Variants in RBFOX1 observed in about 807,000 individuals in gnomAD.
The protein encoded by RBFOX1 is RNA binding fox-1 homolog 1.
Under a neutral mutation model 57.7 loss-of-function variants are expected in RBFOX1, and 8 were observed. That is an observed-to-expected ratio of 0.14 (90% CI 0.08 to 0.25). The LOEUF is 0.25. Among genes scored for constraint, RBFOX1 ranks in the 10% least tolerant of loss-of-function variants. The probability of loss-of-function intolerance (pLI) is 1.00; values close to 1 mark genes in which losing one functional copy is unlikely to be tolerated. For missense variants in RBFOX1, 611 were observed against 548.5 expected, an observed-to-expected ratio of 1.11 and a Z score of -1.14; for synonymous variants, 326 against 222.4, an observed-to-expected ratio of 1.47 and a Z score of -4.15.
chr16:5,690,755 C>G (rs953347856), intron 3 of RBFOX1, among the ~76,000 whole-genome samples: 2 of 152,152 alleles, frequency 1.3e-5, no homozygotes, highest in African/African-American at 2.4e-5. Context: ...ATGTCTTTCT[C>G]TAAGAAGCTG....
chr16:7,304,466 C>G (rs1182136318), intron 4 of RBFOX1: 3 of 985,182 alleles, frequency 3.0e-6, no homozygotes, highest in Admixed American at 1.2e-4. Flanking sequence ...TGTGCCTTGA[C>G]TTTTATGTAC....
chr16:7,489,467 A>C (rs1272170873), intron 4 of RBFOX1, among the ~76,000 whole-genome samples: 1 of 151,686 alleles, frequency 6.6e-6, no homozygotes, highest in Non-Finnish European at 1.5e-5. Context: ...TGCTGTTCCT[A>C]TTTTGGAGAT....
chr16:5,981,637 T>C (rs939998685), intron 4 of RBFOX1, among the ~76,000 whole-genome samples: 1 of 151,894 alleles, frequency 6.6e-6, no homozygotes. Context: ...CTGGGCCAAT[T>C]TTTATATTTT....
chr16:5,903,332 C>T lies in RBFOX1; in HGVS notation c.351+35997C>T, dbSNP rs1022765371. 5.3e-5 allele frequency among the ~76,000 whole-genome samples: 8 copies of T among 152,322 alleles called. No homozygotes were observed. The East Asian group carries it at 1.4e-3, about 26-fold the overall frequency. ...CTGCTGTGCATGCTCCAGTATCAAC[C>T]TGTCCTCTGAGAAGTCATGCGTGAC... is the stretch of plus-strand genomic sequence containing the variant. On this transcript the variant is annotated intron_variant, in intron 4 of 19. Transcript: ENST00000641259.
intron 2 of RBFOX1, among the ~76,000 whole-genome samples, chr16:6,329,782 A>G (rs907653853): frequency 1.3e-5 from 2 of 152,158 alleles, no homozygotes; most frequent in African/African-American, 2.4e-5. Flanking sequence ...AAATACAAAA[A>G]GAAAAATTAA....
At chr16:5,745,669 G>C (rs987443988) in intron 3 of RBFOX1, among the ~76,000 whole-genome samples, 7 of 152,160 alleles carry the variant, frequency 4.6e-5, no homozygotes, top group Non-Finnish European at 7.3e-5. Context: ...ATTGTGGTTT[G>C]ATTTGCATTT....
chr16:6,848,977 C>G (rs916404707), intron 3 of RBFOX1, among the ~76,000 whole-genome samples: 1 of 152,224 alleles, frequency 6.6e-6, no homozygotes, highest in African/African-American at 2.4e-5. Context: ...TAACTAGCAA[C>G]TTGCCTGTCC....
chr16:7,667,637 T>C (rs1050982854), intron 13 of RBFOX1, among the ~76,000 whole-genome samples: 1 of 152,122 alleles, frequency 6.6e-6, no homozygotes, highest in Admixed American at 6.6e-5. Flanking sequence ...CCCCGGGATA[T>C]ATGTTAGACA....
At chr16:6,340,622 G>A (rs1045183939) in intron 2 of RBFOX1, among the ~76,000 whole-genome samples, 2 of 152,198 alleles carry the variant, frequency 1.3e-5, no homozygotes, top group Non-Finnish European at 2.9e-5. Flanking sequence ...TGGTGGGAGT[G>A]TAGCAGTGAG....
chr16:5,519,597 T>C (rs1377345900), intron 2 of RBFOX1, among the ~76,000 whole-genome samples: 1 of 152,128 alleles, frequency 6.6e-6, no homozygotes, highest in Non-Finnish European at 1.5e-5. Flanking sequence ...TGGTGGTGTA[T>C]ACCTGTGGTT....
rs185752226 is a variant in RBFOX1 at position 7,017,174 on chromosome 16, C to G, written c.-15-34883C>G. Among the ~76,000 whole-genome samples the G allele has an allele frequency of 1.4e-3, 213 of 152,278 alleles. 3 individuals carry two copies. The highest frequency in any genetic ancestry group is 0.011 in the Admixed American group (164 of 15,298). ...AAGGTGCAAACAGAGTCGCGGCCAG[C>G]AAATCGTATCTGCTTCAAGTGTTGG... On this transcript the variant is annotated intron_variant, in intron 3 of 15. Transcript: ENST00000550418.
chr16:7,368,572 A>G (rs986552574), intron 4 of RBFOX1, among the ~76,000 whole-genome samples: 1 of 151,900 alleles, frequency 6.6e-6, no homozygotes, highest in African/African-American at 2.4e-5. Flanking sequence ...AGGTCAGGAG[A>G]TCAAGACCAT....
At chr16:5,318,558 A>G (rs1325003741) in intron 1 of RBFOX1, among the ~76,000 whole-genome samples, 1 of 151,316 alleles carries the variant, frequency 6.6e-6, no homozygotes, top group Non-Finnish European at 1.5e-5. Flanking sequence ...TAGAAATAAG[A>G]GCAACCTATT....
chr16:6,601,936 G>A (rs962479534), intron 2 of RBFOX1, among the ~76,000 whole-genome samples: 4 of 152,158 alleles, frequency 2.6e-5, no homozygotes, highest in South Asian at 4.1e-4. Flanking sequence ...TGGTAATGGG[G>A]TCAAATCATT....
chr16:7,126,307 G>T lies in RBFOX1; in HGVS notation c.27+74209G>T, dbSNP rs2068530614. ...GACTCAGCTCCTTACATGGGCTTTG[G>T]TGGGGGTCATGGGGCAGCACCCGCA... is the stretch of plus-strand genomic sequence containing the variant. On this transcript the variant is annotated intron_variant, in intron 4 of 15. Coordinates refer to ENST00000550418, the MANE Select transcript of RBFOX1 (RefSeq NM_018723.4). 1.9e-5 allele frequency: 6 copies of T among 316,912 alleles called. No individual in the cohort carries two copies. The South Asian group carries it at 2.1e-4, about 11-fold the overall frequency. 19.6% of individuals were successfully genotyped at this position (316,912 alleles called of 1,614,324 possible).
intron 4 of RBFOX1, among the ~76,000 whole-genome samples, chr16:7,205,782 C>A (rs2089840246): frequency 6.6e-6 from 1 of 152,192 alleles, no homozygotes; most frequent in Admixed American, 6.5e-5. Context: ...GCAGGGACTG[C>A]AGTGATTATC....
intron 3 of RBFOX1, among the ~76,000 whole-genome samples, chr16:6,817,385 A>T (rs1380863592): frequency 6.6e-6 from 1 of 152,056 alleles, no homozygotes; most frequent in East Asian, 1.9e-4. Flanking sequence ...TCATGGTAGA[A>T]ATAATTCAGT....
intron 4 of RBFOX1, among the ~76,000 whole-genome samples, chr16:5,884,627 T>TC (rs1567668635): frequency 6.6e-6 from 1 of 152,146 alleles, no homozygotes; most frequent in Non-Finnish European, 1.5e-5. Flanking sequence ...CGTGGATTGC[T>TC]CATCCCCATG....
At chr16:5,253,382 C>T (rs536592008) in intron 1 of RBFOX1, among the ~76,000 whole-genome samples, 1 of 152,256 alleles carries the variant, frequency 6.6e-6, no homozygotes, top group South Asian at 2.1e-4. Context: ...GAACTCCTGA[C>T]CTCAGGTGAT....
Sources: allele counts gnomAD v4.1 joint callset (sites outside exome capture counted in the v4.1 genomes callset), GRCh38; gene constraint gnomAD v4.1.1; transcripts MANE v1.5; gene names NCBI Gene and HGNC (gene_info 2026-07-23, HGNC 2026-07-21).